ARL15: variants seen among roughly 807,000 people sequenced by gnomAD.
ARL15 encodes the protein ADP-ribosylation factor-like protein 15.
A neutral mutation model predicts 25.2 loss-of-function variants in ARL15; 19 were observed. That is an observed-to-expected ratio of 0.75 (90% CI 0.53 to 1.10). The LOEUF (loss-of-function observed/expected upper bound fraction) is 1.10. ARL15 is among the 50% of genes least tolerant of loss of function. The pLI is 0.00. For missense variants in ARL15, 220 were observed against 246.0 expected, an observed-to-expected ratio of 0.89 and a Z score of 0.71; for synonymous variants, 94 against 86.8, an observed-to-expected ratio of 1.08 and a Z score of -0.46.
At chr5:54,277,856 T>C (rs1325212216) in intron 1 of ARL15, among the ~76,000 whole-genome samples, 1 of 152,182 alleles carries the variant, frequency 6.6e-6, no homozygotes, top group Non-Finnish European at 1.5e-5. Context: ...TGCAGGACAT[T>C]CCCCTGGTAT....
intron 4 of ARL15, among the ~76,000 whole-genome samples, chr5:54,105,907 T>C (rs1366483635): frequency 6.6e-6 from 1 of 152,202 alleles, no homozygotes; most frequent in African/African-American, 2.4e-5. Flanking sequence ...AGAGCTTCAT[T>C]ATGTACCAGT....
chr5:54,113,438 T>C (rs776211063), intron 3 of ARL15, 28 bp from the exon 4 acceptor site: 1 of 1,601,394 alleles, frequency 6.2e-7, no homozygotes. Context: ...AATTTTCGTT[T>C]TAAAAAGAGC....
At chr5:54,093,221 T>A (rs1752183897) in intron 4 of ARL15, among the ~76,000 whole-genome samples, 1 of 152,192 alleles carries the variant, frequency 6.6e-6, no homozygotes, top group South Asian at 2.1e-4. Flanking sequence ...AAGTCTTGCC[T>A]AGGGAGTTTG....
chr5:54,158,808 G>T (rs1305583248), intron 2 of ARL15, among the ~76,000 whole-genome samples: 2 of 152,172 alleles, frequency 1.3e-5, no homozygotes, highest in Non-Finnish European at 2.9e-5. Flanking sequence ...GGGAGGCAGA[G>T]GTTACAGTGA....
chr5:53,901,842 C>T (rs148624324), intron 4 of ARL15, among the ~76,000 whole-genome samples: 34 of 152,306 alleles, frequency 2.2e-4, no homozygotes, highest in Non-Finnish European at 3.1e-4. Flanking sequence ...TCCTCCTTTG[C>T]CTTGCTAAAA....
At chr5:54,050,607 G>A (rs1005524617) in intron 4 of ARL15, among the ~76,000 whole-genome samples, 2 of 152,154 alleles carry the variant, frequency 1.3e-5, no homozygotes, top group Admixed American at 6.6e-5. Context: ...GATATTATGT[G>A]CGTGTGTCTA....
chr5:54,176,011 T>C (rs999692675), intron 1 of ARL15, among the ~76,000 whole-genome samples: 3 of 152,160 alleles, frequency 2.0e-5, no homozygotes, highest in African/African-American at 7.2e-5. Context: ...GTTTCAATCA[T>C]ATAACCGAAT....
intron 4 of ARL15, among the ~76,000 whole-genome samples, chr5:54,073,406 A>G (rs1314903804): frequency 6.6e-6 from 1 of 152,234 alleles, no homozygotes; most frequent in East Asian, 1.9e-4. Flanking sequence ...GGTAATTTTG[A>G]ACTTCTCACC....
intron 4 of ARL15, among the ~76,000 whole-genome samples, chr5:53,893,608 AAAACAAAC>A (rs34736180): frequency 5.9e-5 from 9 of 152,162 alleles, no homozygotes; most frequent in East Asian, 3.9e-4. Context: ...ACTCCATCTC[AAAACAAAC>A]AAACAAACAA....
rs1561143804 is a variant in ARL15 at position 53,907,477 on chromosome 5, TA to T, written c.463-20765del. On this transcript the variant is annotated intron_variant, in intron 4 of 4. Transcript: ENST00000504924. ...GAGTTCATATATATATATATATATA[TA>T]TATATATATATTTTTTTTTTTTTTT... Among the ~76,000 whole-genome samples, 271 of 32,280 alleles carry T rather than the reference TA, an allele frequency of 8.4e-3. 7 individuals are homozygous for T. The highest frequency in any genetic ancestry group is 0.036 in the African/African-American group (262 of 7,352). The allele number at this position is 32,280 out of a possible 152,430, so 21.2% of individuals were successfully genotyped here. A position where few individuals can be genotyped will look rare whatever the true frequency, so the allele number is the denominator to read the frequency against.
At chr5:54,087,154 G>T (rs1751985852) in intron 4 of ARL15, among the ~76,000 whole-genome samples, 2 of 152,092 alleles carry the variant, frequency 1.3e-5, no homozygotes, top group Admixed American at 1.3e-4. Context: ...GGCTAACACA[G>T]TGAAACCCCG....
intron 4 of ARL15, among the ~76,000 whole-genome samples, chr5:54,051,012 T>C (rs1300045032): frequency 7.2e-5 from 11 of 152,224 alleles, no homozygotes. Context: ...AGATATAAGA[T>C]ATTAATACTA....
At chr5:53,928,909 C>T (rs769623820) in intron 4 of ARL15, among the ~76,000 whole-genome samples, 1 of 152,146 alleles carries the variant, frequency 6.6e-6, no homozygotes, top group Non-Finnish European at 1.5e-5. Flanking sequence ...CATCCAAACA[C>T]CCACAATAGC....
intron 4 of ARL15, among the ~76,000 whole-genome samples, chr5:54,111,124 T>C (rs930243941): frequency 1.3e-5 from 2 of 152,046 alleles, no homozygotes; most frequent in Admixed American, 6.6e-5. Context: ...GTATGGTATA[T>C]GTTTATTTAA....
chr5:54,256,623 A>AAAG (rs1422972036), intron 1 of ARL15, among the ~76,000 whole-genome samples: 2 of 151,072 alleles, frequency 1.3e-5, no homozygotes, highest in African/African-American at 4.9e-5. Flanking sequence ...AAAAAAAAAA[A>AAAG]AAAGAAAAAG....
chr5:54,303,960 C>G (rs1435957387), intron 1 of ARL15, among the ~76,000 whole-genome samples: 1 of 152,134 alleles, frequency 6.6e-6, no homozygotes, highest in African/African-American at 2.4e-5. Context: ...GAGTTCCCAG[C>G]ACACAACATA....
chr5:54,293,624 G>A (rs1758392418), intron 1 of ARL15, among the ~76,000 whole-genome samples: 1 of 152,162 alleles, frequency 6.6e-6, no homozygotes, highest in East Asian at 1.9e-4. Context: ...CTCTCACTCA[G>A]TGCATGAACC....
chr5:54,284,104 T>A (rs1311462599), intron 1 of ARL15, among the ~76,000 whole-genome samples: 1 of 152,098 alleles, frequency 6.6e-6, no homozygotes, highest in Non-Finnish European at 1.5e-5. Flanking sequence ...GAAATCAACC[T>A]GTAACTTTTT....
chr5:54,244,954 A>G (rs552357126), intron 1 of ARL15, among the ~76,000 whole-genome samples: 2 of 152,268 alleles, frequency 1.3e-5, no homozygotes, highest in Admixed American at 1.3e-4. Flanking sequence ...TGCTATTTCT[A>G]AAATGAAGAA....
Sources: allele counts gnomAD v4.1 joint callset (sites outside exome capture counted in the v4.1 genomes callset), GRCh38; gene constraint gnomAD v4.1.1; transcripts MANE v1.5; gene names NCBI Gene and HGNC (gene_info 2026-07-23, HGNC 2026-07-21).